TTN: variants seen among roughly 807,000 people sequenced by gnomAD.
TTN encodes titin.
In TTN, 1,525 loss-of-function variants were observed where a neutral mutation model predicts 3,223.0. The ratio of observed to expected loss-of-function variants is 0.47; its 90% CI spans 0.45 to 0.49. The LOEUF (loss-of-function observed/expected upper bound fraction) is 0.49, where lower values mean the gene tolerates loss of function less well. TTN is among the 20% of genes least tolerant of loss of function. The pLI, the probability that TTN is intolerant of heterozygous loss-of-function variation, is 0.00. For missense variants in TTN, 40,786 were observed against 43,424.0 expected (o/e 0.94, Z 5.40); for synonymous variants, 14,094 against 15,161.0 (o/e 0.93, Z 5.17).
chr2:178,641,531 T>G, intron 219 of TTN: 1 of 343,224 alleles, frequency 2.9e-6, no homozygotes, highest in South Asian at 5.5e-5. Flanking sequence ...AGTTACTTTG[T>G]TTCTATCTAG....
Position 178,590,445 on chromosome 2 carries a change from A to G in TTN, c.61280T>C (p.Ile20427Thr). 6.2e-7 allele frequency: 1 copy of G among 1,613,022 alleles called. No homozygotes were observed. The highest frequency in any genetic ancestry group is 8.5e-7 in the Non-Finnish European group (1 of 1,179,394). Residue 20427 changes from isoleucine to threonine, a missense_variant, in exon 304 of 363, where the codon ATT (isoleucine) becomes ACT (threonine). Transcript: ENST00000589042. ...AGGTACCCTAAAGGCACATTGCCTA[A>G]TGAGTTCATCTTTATTAATCCTGTT... is the stretch of plus-strand genomic sequence containing the variant. ...QWNRINKDELIRQCAFRVPGL... is the reference protein window; with the variant it reads ...QWNRINKDELTRQCAFRVPGL...
chr2:178,640,712 A>G, intron 220 of TTN, 82 bp from the exon 221 acceptor site: 1 of 1,160,754 alleles, frequency 8.6e-7, no homozygotes, highest in Non-Finnish European at 1.2e-6. Context: ...TTATTTTTCA[A>G]AAACTCTATG....
At position 178,652,597 on chromosome 2, in the gene TTN, T is replaced by A; in HGVS notation, c.39043+56A>T. On this transcript the variant is annotated intron_variant, in intron 201 of 362. Transcript: ENST00000589042. ...AAGTTATGAAGACCATTAGGAAAAATATTTTCAAGAGTAGAAGAGATAGAT... is the reference window on the plus strand; with the variant it reads ...AAGTTATGAAGACCATTAGGAAAAAAATTTTCAAGAGTAGAAGAGATAGAT... The A allele has an allele frequency of 2.5e-6, 4 of 1,611,712 alleles. No individual in the cohort carries two copies. The African/African-American group carries it at 5.4e-5, about 22-fold the overall frequency.
At chr2:178,694,532 T>C (rs1198149812) in intron 117 of TTN, 67 bp downstream of exon 117, 1 of 1,163,600 alleles carries the variant, frequency 8.6e-7, no homozygotes, top group East Asian at 2.6e-5. Context: ...TAGCAATATA[T>C]GTACACATGT....
At position 178,694,009 on chromosome 2, in the gene TTN, C is replaced by T; in HGVS notation, c.31427-1G>A. On this transcript the variant is annotated splice_acceptor_variant, in intron 117 of 362. Transcript: ENST00000589042. LOFTEE classifies it high-confidence loss of function. Reference sequence around the variant, plus strand: ...ATCTTCTTTGTATGCACAGCTGGTACTTTAAAGAGAGTATTTCACATTAGT... The same window carrying T: ...ATCTTCTTTGTATGCACAGCTGGTATTTTAAAGAGAGTATTTCACATTAGT... 1 of 1,607,758 alleles carries T rather than the reference C, an allele frequency of 6.2e-7. No homozygotes were observed. Among genetic ancestry groups the T allele is most frequent in the Non-Finnish European group, 8.5e-7 (1 of 1,176,072 alleles).
At position 178,581,497 on chromosome 2, in the gene TTN, A is replaced by C; in HGVS notation, c.66769+2T>G. On this transcript the variant is annotated splice_donor_variant, in intron 316 of 362. Coordinates refer to ENST00000589042, the MANE Select transcript of TTN (RefSeq NM_001267550.2). LOFTEE classifies it high-confidence loss of function. ...TTATGTACTCCCCCTGGTAATACTT[A>C]CTTAAGATGTCCTTGGGATAGTGTT... 1 of 1,582,662 alleles carries C rather than the reference A, an allele frequency of 6.3e-7. No individual in the cohort carries two copies. The highest frequency in any genetic ancestry group is 8.6e-7 in the Non-Finnish European group (1 of 1,161,260).
intron 163 of TTN, 99 bp from the exon 164 acceptor site, chr2:178,665,890 T>C: frequency 2.0e-6 from 1 of 508,716 alleles, no homozygotes; most frequent in Non-Finnish European, 3.0e-6. Flanking sequence ...GGGAACCTTC[T>C]CCCACTCCCC....
At chr2:178,702,412 G>A (rs183969660) in intron 107 of TTN, 42 bp downstream of exon 107, 2 of 1,611,432 alleles carry the variant, frequency 1.2e-6, no homozygotes, top group East Asian at 4.5e-5. Context: ...AACAGACGAG[G>A]CTTAAATTAT....
rs74321406 is a variant in TTN at position 178,613,840 on chromosome 2, T to G, written c.49443A>C (p.Pro16481=). ...WCEPDDDGGS[P]ITGYWVERLD... ...GTCTTTCAACCCAGTATCCTGTGAT[T>G]GGGCTGCCACCATCATCATCTGGCT... is the stretch of plus-strand genomic sequence containing the variant. The change falls in exon 263 of 363, where the codon CCA becomes CCC. Residue 16481 remains proline, a synonymous_variant. Coordinates refer to ENST00000589042, the MANE Select transcript of TTN (RefSeq NM_001267550.2). 2,249 of 1,612,548 alleles carry G rather than the reference T, an allele frequency of 1.4e-3. 30 individuals carry two copies. In the African/African-American group the frequency reaches 0.027, roughly 19 times the overall value.
rs878922366 is a variant in TTN, at chr2:178,689,294, T to C, written c.32007A>G (p.Pro10669=). ...GGGAAGATGGAGAAACAATACCTTTTGGTGGTGGTGGAACTTCTTCCTCCT... is the reference window on the plus strand; with the variant it reads ...GGGAAGATGGAGAAACAATACCTTTCGGTGGTGGTGGAACTTCTTCCTCCT... The part of the protein sequence containing the change: ...PRKEEEVPPP[P]KVPALPKKPV... Residue 10669 remains proline, a synonymous_variant, in exon 124 of 363, where the codon CCA becomes CCG. Coordinates refer to ENST00000589042, the MANE Select transcript of TTN (RefSeq NM_001267550.2). The C allele has an allele frequency of 6.8e-6, 11 of 1,611,224 alleles. No individual in the cohort carries two copies. The highest frequency in any genetic ancestry group is 8.5e-6 in the Non-Finnish European group (10 of 1,179,266).
Position 178,731,138 on chromosome 2 carries a change from G to T in TTN, c.17527C>A (p.Gln5843Lys), listed in dbSNP as rs894175460. The T allele has an allele frequency of 6.2e-7, 1 of 1,613,648 alleles. No individual in the cohort carries two copies. ...DVTQGDPATL[Q>K]VKFSGTKEIT... ...TCCTTAGTCCCTGAAAATTTAACCT[G>T]CAAAGTGGCTGGGTCTCCTTGGGTG... Residue 5843 changes from glutamine to lysine, a missense_variant, in exon 60 of 363, where the codon CAG (glutamine) becomes AAG (lysine). Coordinates refer to ENST00000589042, the MANE Select transcript of TTN (RefSeq NM_001267550.2).
In TTN at chr2:178,592,416, A is replaced by G; in HGVS notation, c.59589T>C (p.Ala19863=). Residue 19863 remains alanine, a synonymous_variant, in exon 301 of 363, where the codon GCT becomes GCC. Transcript: ENST00000589042. The part of the protein sequence containing the change: ...GIYSLTVENP[A]GSKTVSVKVL... ...CTTTTACTGAGACAGTTTTTGAACC[A>G]GCTGGATTCTCCACTGTTAAAGAAT... is the stretch of plus-strand genomic sequence containing the variant. The G allele has an allele frequency of 1.2e-6, 2 of 1,613,398 alleles. No individual in the cohort carries two copies. Among genetic ancestry groups the G allele is most frequent in the Non-Finnish European group, 1.7e-6 (2 of 1,179,596 alleles).
At chr2:178,802,393 CTCTGCTCTGTCCCA>C (rs1396713068) in intron 2 of TTN, 52 bp from the exon 3 acceptor site, 4 of 1,569,326 alleles carry the variant, frequency 2.5e-6, no homozygotes, top group Non-Finnish European at 2.6e-6. Flanking sequence ...CCACAAAGTC[CTCTGCTCTGTCCCA>C]TCATGTTCAC....
intron 20 of TTN, among the ~76,000 whole-genome samples, chr2:178,781,856 CTTAG>C: frequency 6.6e-6 from 1 of 151,910 alleles, no homozygotes; most frequent in South Asian, 2.1e-4. Context: ...CTTTTAGTCA[CTTAG>C]TTATTACATG....
Position 178,605,430 on chromosome 2 carries a change from G to A in TTN, c.53865C>T (p.Val17955=). The A allele has an allele frequency of 6.3e-7, 1 of 1,599,992 alleles. No homozygotes were observed. The highest frequency in any genetic ancestry group is 1.1e-5 in the South Asian group (1 of 88,964). ...ESEPSLPLNV[V]IQDDEVPPTI... is the part of the protein sequence containing the mutation. ...ATTCCGCACCTTCATCATCTTGTAT[G>A]ACTACATTAAGAGGTAGGGATGGTT... Residue 17955 remains valine (V), a synonymous_variant, in exon 279 of 363, where the codon GTC becomes GTT. Coordinates refer to ENST00000589042, the MANE Select transcript of TTN (RefSeq NM_001267550.2).
intron 119 of TTN, 100 bp from the exon 120 acceptor site, chr2:178,692,680 C>T (rs1560429457): frequency 2.0e-5 from 17 of 844,904 alleles, no homozygotes; most frequent in Non-Finnish European, 3.0e-5. Context: ...TTTATACCAA[C>T]TGAATGCAAG....
chr2:178,554,751 G>A lies in TTN; in HGVS notation c.88596C>T (p.Asp29532=). 6.2e-7 allele frequency: 1 copy of A among 1,613,202 alleles called. No homozygotes were observed. Residue 29532 remains aspartate (D), a splice_region_variant and synonymous_variant, in exon 332 of 363, where the codon GAC becomes GAT. Coordinates refer to ENST00000589042, the MANE Select transcript of TTN (RefSeq NM_001267550.2). ...TTGGTCCACCAGGTGGGCCTGGTTT[G>A]TCTATCAGTGAAAGGACAAAACACG... The part of the protein sequence containing the change: ...ASATIRVQIL[D]KPGPPGGPIE...
At chr2:178,638,716 C>G (rs1014247901) in intron 223 of TTN, among the ~76,000 whole-genome samples, 1 of 151,848 alleles carries the variant, frequency 6.6e-6, no homozygotes, top group Non-Finnish European at 1.5e-5. Context: ...CCCACCCCAC[C>G]ACCACCGCCC....
Position 178,731,326 on chromosome 2 carries a change from A to G in TTN, c.17440T>C (p.Ser5814Pro). 6.2e-7 allele frequency: 1 copy of G among 1,613,810 alleles called. No homozygotes were observed. The highest frequency in any genetic ancestry group is 8.5e-7 in the Non-Finnish European group (1 of 1,179,756). The change falls in exon 59 of 363, where the codon TCT becomes CCT. Residue 5814 changes from serine to proline, a missense_variant. Transcript: ENST00000589042. ...CAACCTTTTACTGAGAGTAATGCAG[A>G]ACATCTTTGTATTCCTGCATCATTT... ...AKNDAGIQRC[S>P]ALLSVKEPAT...
Sources: gnomAD v4.1 joint callset for allele counts (sites outside exome capture counted in the v4.1 genomes callset) on GRCh38, gnomAD v4.1.1 for gene constraint, MANE v1.5 for transcripts, NCBI Gene and HGNC (gene_info 2026-07-23, HGNC 2026-07-21) for gene names.